PLCB4: variants seen among roughly 807,000 people sequenced by gnomAD.
The protein encoded by PLCB4 is phospholipase C beta 4.
In PLCB4, 77 loss-of-function variants were observed where a neutral mutation model predicts 178.8. The ratio of observed to expected loss-of-function variants is 0.43; its 90% CI spans 0.36 to 0.52. The LOEUF (loss-of-function observed/expected upper bound fraction) is 0.52. PLCB4 is among the 20% of genes least tolerant of loss of function. The pLI is 0.00. For missense variants in PLCB4, 1,024 were observed against 1,453.4 expected (o/e 0.70, Z 4.80); for synonymous variants, 496 against 490.8 (o/e 1.01, Z -0.14).
At chr20:9,478,650 C>A (rs1041828293) in intron 39 of PLCB4, among the ~76,000 whole-genome samples, 1 of 152,106 alleles carries the variant, frequency 6.6e-6, no homozygotes, top group Non-Finnish European at 1.5e-5. Flanking sequence ...CTGTGTAAAC[C>A]AGTCCCCAAA....
intron 3 of PLCB4, among the ~76,000 whole-genome samples, chr20:9,254,483 C>T (rs970065172): frequency 1.3e-5 from 2 of 152,090 alleles, no homozygotes; most frequent in South Asian, 2.1e-4. Flanking sequence ...CCACTTGAGG[C>T]CCCTAGGAGT....
At chr20:9,417,187 A>G (rs2040308589) in intron 25 of PLCB4, among the ~76,000 whole-genome samples, 1 of 152,006 alleles carries the variant, frequency 6.6e-6, no homozygotes, top group Non-Finnish European at 1.5e-5. Flanking sequence ...CTTTAAATCT[A>G]TGGTTATACT....
At chr20:9,191,275 G>A (rs2093399343) in intron 2 of PLCB4, among the ~76,000 whole-genome samples, 1 of 149,164 alleles carries the variant, frequency 6.7e-6, no homozygotes, top group East Asian at 2.0e-4. Flanking sequence ...GGGACTAAGA[G>A]ATGGGATCTT....
At chr20:9,435,178 T>C (rs2041683777) in intron 28 of PLCB4, among the ~76,000 whole-genome samples, 1 of 152,226 alleles carries the variant, frequency 6.6e-6, no homozygotes, top group Non-Finnish European at 1.5e-5. Context: ...GCAGGTGGTA[T>C]CCACCCTAAT....
intron 3 of PLCB4, among the ~76,000 whole-genome samples, chr20:9,300,837 C>T (rs1444638055): frequency 1.3e-5 from 2 of 151,948 alleles, no homozygotes; most frequent in African/African-American, 4.8e-5. Context: ...TTCAGGGGGC[C>T]CAATATATGC....
intron 35 of PLCB4, among the ~76,000 whole-genome samples, chr20:9,467,044 GATA>G (rs1437688069): frequency 6.6e-6 from 1 of 152,110 alleles, no homozygotes; most frequent in African/African-American, 2.4e-5. Context: ...GTCCATCAGT[GATA>G]GACTGGATTA....
At chr20:9,274,481 AC>A (rs1288638272) in intron 3 of PLCB4, among the ~76,000 whole-genome samples, 1 of 151,908 alleles carries the variant, frequency 6.6e-6, no homozygotes, top group Non-Finnish European at 1.5e-5. Flanking sequence ...TCTGACTTTT[AC>A]CCCCCAAATT....
At chr20:9,130,779 A>G (rs1461997757) in intron 2 of PLCB4, among the ~76,000 whole-genome samples, 3 of 152,212 alleles carry the variant, frequency 2.0e-5, no homozygotes, top group Non-Finnish European at 2.9e-5. Context: ...AGTTGTGATC[A>G]GATAAGCAAG....
chr20:9,240,237 A>G (rs1364844454), intron 3 of PLCB4, among the ~76,000 whole-genome samples: 1 of 152,114 alleles, frequency 6.6e-6, no homozygotes, highest in Non-Finnish European at 1.5e-5. Flanking sequence ...GCCCTCTGGA[A>G]TGAGGGTCTT....
intron 36 of PLCB4, among the ~76,000 whole-genome samples, chr20:9,470,109 AC>A (rs1355788956): frequency 6.6e-6 from 1 of 152,130 alleles, no homozygotes; most frequent in Non-Finnish European, 1.5e-5. Flanking sequence ...TGGGCAGATT[AC>A]CTGAGGTCAG....
intron 17 of PLCB4, among the ~76,000 whole-genome samples, chr20:9,392,303 C>A (rs6077524): frequency 6.6e-6 from 1 of 152,128 alleles, no homozygotes; most frequent in Non-Finnish European, 1.5e-5. Context: ...TGGGAGCAGC[C>A]TGAGCAGAGG....
At chr20:9,233,543 T>C (rs1424051155) in intron 3 of PLCB4, among the ~76,000 whole-genome samples, 5 of 152,160 alleles carry the variant, frequency 3.3e-5, no homozygotes, top group Non-Finnish European at 5.9e-5. Flanking sequence ...AGGTGATTCA[T>C]TTGGATTTAT....
intron 2 of PLCB4, among the ~76,000 whole-genome samples, chr20:9,210,464 G>A (rs1340320493): frequency 1.3e-5 from 2 of 152,154 alleles, no homozygotes; most frequent in Non-Finnish European, 2.9e-5. Context: ...ACTTGGGTCG[G>A]TGAGAGGAGA....
chr20:9,200,936 T>A (rs905158494), intron 2 of PLCB4, among the ~76,000 whole-genome samples: 2 of 152,220 alleles, frequency 1.3e-5, no homozygotes, highest in Non-Finnish European at 2.9e-5. Flanking sequence ...GAAAGACATT[T>A]AATTTCCTGT....
intron 16 of PLCB4, among the ~76,000 whole-genome samples, 153 bp downstream of exon 16, chr20:9,390,111 T>C (rs1442399166): frequency 2.6e-5 from 4 of 152,054 alleles, no homozygotes; most frequent in African/African-American, 9.7e-5. Flanking sequence ...CCTACTCTTA[T>C]GCAAAGCAAA....
At chr20:9,415,843 C>T (rs2040205966) in intron 25 of PLCB4, among the ~76,000 whole-genome samples, 2 of 152,216 alleles carry the variant, frequency 1.3e-5, no homozygotes, top group African/African-American at 4.8e-5. Context: ...AGCACATCCA[C>T]ATAGCCAGCT....
intron 1 of PLCB4, among the ~76,000 whole-genome samples, chr20:9,077,509 C>G (rs1319815776): frequency 6.6e-6 from 1 of 152,140 alleles, no homozygotes; most frequent in African/African-American, 2.4e-5. Context: ...TATGGCATAC[C>G]AGGAAGTGAT....
intron 12 of PLCB4, among the ~76,000 whole-genome samples, chr20:9,374,955 A>T (rs1277488438): frequency 6.6e-6 from 1 of 151,888 alleles, no homozygotes; most frequent in Non-Finnish European, 1.5e-5. Context: ...CTTCTATTTG[A>T]TGTCTTCTTA....
At chr20:9,443,902 G>A (rs752309264) in intron 30 of PLCB4, 79 bp from the exon 31 acceptor site, 20 of 791,118 alleles carry the variant, frequency 2.5e-5, no homozygotes, top group African/African-American at 1.0e-4. Flanking sequence ...ATGAGATTTC[G>A]ATATGTCAGT....
Sources: gnomAD v4.1 joint callset for allele counts (sites outside exome capture counted in the v4.1 genomes callset) on GRCh38, gnomAD v4.1.1 for gene constraint, MANE v1.5 for transcripts, NCBI Gene and HGNC (gene_info 2026-07-23, HGNC 2026-07-21) for gene names.